The following SELENOO variants were observed in gnomAD, a reference collection of about 807,000 sequenced individuals.
SELENOO encodes protein adenylyltransferase SelO, mitochondrial.
In SELENOO, 74 loss-of-function variants were observed where a neutral mutation model predicts 58.7. That is an observed-to-expected ratio of 1.26 (90% confidence interval 1.04 to 1.53). The LOEUF (loss-of-function observed/expected upper bound fraction) is 1.53. Among genes scored for constraint, SELENOO ranks in the 40% most tolerant of loss-of-function variants. SELENOO has a pLI of 0.00. For missense variants in SELENOO, 1,149 were observed against 970.0 expected, an observed-to-expected ratio of 1.18 and a Z score of -2.45; for synonymous variants, 543 against 453.2, an observed-to-expected ratio of 1.20 and a Z score of -2.52.
intron 1 of SELENOO, among the ~76,000 whole-genome samples, chr22:50,203,293 C>T (rs1483601248): frequency 1.3e-5 from 2 of 152,218 alleles, no homozygotes; most frequent in East Asian, 3.8e-4. Flanking sequence ...GGAAGAATCA[C>T]TTGAGCCCAG....
intron 1 of SELENOO, 83 bp from the exon 2 acceptor site, chr22:50,206,234 C>T (rs901501140): frequency 2.4e-6 from 3 of 1,264,348 alleles, no homozygotes; most frequent in Non-Finnish European, 3.4e-6. Context: ...CACGCGTTCC[C>T]TCCTTTCCAT....
intron 3 of SELENOO, 111 bp from the exon 4 acceptor site, chr22:50,210,066 AGAGT>A (rs1298832953): frequency 5.6e-6 from 7 of 1,259,614 alleles, no homozygotes; most frequent in Admixed American, 2.2e-5. Context: ...CAGAAACTGC[AGAGT>A]GAGAGCCACT....
intron 2 of SELENOO, 145 bp downstream of exon 2, chr22:50,206,665 C>T: frequency 2.8e-6 from 2 of 726,204 alleles, no homozygotes; most frequent in Non-Finnish European, 4.5e-6. Flanking sequence ...CCCTGGCAGC[C>T]TCAGAAGCTG....
intron 1 of SELENOO, among the ~76,000 whole-genome samples, chr22:50,204,905 TATTC>T (rs2064323582): frequency 6.6e-6 from 1 of 150,436 alleles, no homozygotes; most frequent in South Asian, 2.1e-4. Context: ...AGTGGAATAT[TATTC>T]ATCCTTAAGA....
At position 50,217,025 on chromosome 22, in the gene SELENOO, C is replaced by G. The variant is rs755717149; in HGVS notation, c.1742C>G (p.Ala581Gly). ...EGAGDAAAWQAEHVRVMHANN... is the reference protein window; with the variant it reads ...EGAGDAAAWQGEHVRVMHANN... ...GCTGGGGACGCTGCCGCCTGGCAGG[C>G]TGAGCACGTGCGCGTGATGCACGCC... The change falls in exon 8 of 9, where the codon GCT becomes GGT. Residue 581 changes from alanine to glycine, a missense_variant. Transcript: ENST00000380903. 47 of 1,612,074 alleles carry G rather than the reference C, an allele frequency of 2.9e-5. No individual in the cohort carries two copies. Among genetic ancestry groups the G allele is most frequent in the Non-Finnish European group, 3.9e-5 (46 of 1,179,882 alleles).
intron 2 of SELENOO, chr22:50,208,323 G>A (rs557659550): frequency 8.3e-5 from 35 of 419,636 alleles, no homozygotes; most frequent in African/African-American, 6.2e-4. Flanking sequence ...CCAGCTACTC[G>A]GGAGGCTGAG....
chr22:50,217,285 C>G lies in SELENOO; in HGVS notation c.1926C>G (p.Ala642=). 6.2e-7 allele frequency: 1 copy of G among 1,612,572 alleles called. No homozygotes were observed. The highest frequency in any genetic ancestry group is 8.5e-7 in the Non-Finnish European group (1 of 1,179,788). The change falls in exon 9 of 9, where the codon GCC becomes GCG. Residue 642 remains alanine, a synonymous_variant. Transcript: ENST00000380903. ...CCACAGACGCCGAGGCCACGGAAGC[C>G]GACGGGGCGGACGGCAGGCAGCGCT... is the stretch of plus-strand genomic sequence containing the variant. ...GAATDAEATE[A]DGADGRQRSY... is the part of the protein sequence containing the mutation.
At chr22:50,212,893 T>C (rs1474699766) in intron 5 of SELENOO, among the ~76,000 whole-genome samples, 2 of 151,742 alleles carry the variant, frequency 1.3e-5, no homozygotes, top group Non-Finnish European at 2.9e-5. Flanking sequence ...ACGCAGCGTG[T>C]GCCTGTTTCT....
chr22:50,210,598 G>C, intron 4 of SELENOO, 33 bp from the exon 5 acceptor site: 2 of 1,612,412 alleles, frequency 1.2e-6, no homozygotes, highest in Non-Finnish European at 1.7e-6. Flanking sequence ...CTTCCTCTCA[G>C]GCAGGGCGTG....
rs767519759 is a variant in SELENOO at position 50,210,190 on chromosome 22, C to T, written c.949C>T (p.Arg317Cys). The T allele has an allele frequency of 1.8e-5, 29 of 1,612,978 alleles. No homozygotes were observed. The highest frequency in any genetic ancestry group is 6.7e-5 in the East Asian group (3 of 44,884). Residue 317 changes from arginine (R) to cysteine (C), a missense_variant, in exon 4 of 9, where the codon CGC (arginine) becomes TGC (cysteine). Physicochemically the swap from Arg to Cys is radical, Grantham distance 180 (BLOSUM62 -3). Transcript: ENST00000380903. ...NAAFFREVTR[R>C]TARMVAEWQC... ...CACTGTCCCACCCCAGGTGACGCGG[C>T]GCACGGCGCGGATGGTGGCCGAGTG...
At chr22:50,211,284 T>C (rs992909206) in intron 5 of SELENOO, among the ~76,000 whole-genome samples, 1 of 152,176 alleles carries the variant, frequency 6.6e-6, no homozygotes, top group Non-Finnish European at 1.5e-5. Context: ...TTGCGTACGG[T>C]GCACTGTGTG....
At chr22:50,206,805 G>C (rs926975549) in intron 2 of SELENOO, among the ~76,000 whole-genome samples, 5 of 152,172 alleles carry the variant, frequency 3.3e-5, no homozygotes, top group African/African-American at 1.2e-4. Flanking sequence ...AGCCAGAGAT[G>C]GCCCTGCGGG....
In SELENOO at chr22:50,208,643, G is replaced by C. The variant is rs752768195; in HGVS notation, c.866G>C (p.Ser289Thr). Residue 289 changes from serine (S) to threonine (T), a missense_variant, in exon 3 of 9, where the codon AGC becomes ACC. Coordinates refer to ENST00000380903, the MANE Select transcript of SELENOO (RefSeq NM_031454.2). ...IRVQLLDYVI[S>T]SFYPEIQAAH... ...GTGCAGCTGCTCGACTATGTCATCA[G>C]CTCCTTTTACCCCGAGATCCAGGCT... 5 of 1,613,758 alleles carry C rather than the reference G, an allele frequency of 3.1e-6. No individual in the cohort carries two copies. The highest frequency in any genetic ancestry group is 1.6e-4 in the Middle Eastern group (1 of 6,084).
chr22:50,204,717 C>T (rs148566693), intron 1 of SELENOO, among the ~76,000 whole-genome samples: 31 of 152,188 alleles, frequency 2.0e-4, no homozygotes, highest in African/African-American at 7.5e-4. Context: ...GATAGAGTTG[C>T]TGTGGAAAAC....
intron 7 of SELENOO, 45 bp from the exon 8 acceptor site, chr22:50,216,927 A>G: frequency 1.2e-6 from 2 of 1,602,958 alleles, no homozygotes; most frequent in East Asian, 2.2e-5. Context: ...CGTGCTGGAA[A>G]AAGTCCAGCC....
At chr22:50,211,285 G>A (rs568207603) in intron 5 of SELENOO, among the ~76,000 whole-genome samples, 2 of 152,288 alleles carry the variant, frequency 1.3e-5, no homozygotes, top group South Asian at 2.1e-4. Context: ...TGCGTACGGT[G>A]CACTGTGTGT....
rs2064350120 is a variant in SELENOO, at chr22:50,208,880, G to A, written c.939+164G>A. 2 of 662,060 alleles carry A rather than the reference G, an allele frequency of 3.0e-6. 1 individual carries two copies. Among genetic ancestry groups the A allele is most frequent in the South Asian group, 3.9e-5 (2 of 50,976 alleles). 41.0% of individuals were successfully genotyped at this position (662,060 alleles called of 1,614,324 possible). On this transcript the variant is annotated intron_variant, in intron 3 of 8. Transcript: ENST00000380903. ...CGCAAACCCCATCATGTGTGCTCGG[G>A]CCCTGGGACAAACCTGAAACTCCCC...
chr22:50,210,426 G>A, intron 4 of SELENOO, 115 bp downstream of exon 4: 1 of 1,420,736 alleles, frequency 7.0e-7, no homozygotes, highest in Non-Finnish European at 9.6e-7. Context: ...AGCCGAGGGG[G>A]CTGGGGGCTG....
Position 50,217,305 on chromosome 22 carries a change from A to G in SELENOO, c.1946A>G (p.Gln649Arg), listed in dbSNP as rs1286680590. ...ATEADGADGR[Q>R]RSYSSKPPLW... ...GAAGCCGACGGGGCGGACGGCAGGCAGCGCTCCTACAGCAGTAAGCCCCCG... is the reference window on the plus strand; with the variant it reads ...GAAGCCGACGGGGCGGACGGCAGGCGGCGCTCCTACAGCAGTAAGCCCCCG... Residue 649 changes from glutamine to arginine, a missense_variant, in exon 9 of 9, where the codon CAG becomes CGG. Gln to Arg is a conservative substitution (Grantham distance 43). Transcript: ENST00000380903. The G allele has an allele frequency of 1.2e-6, 2 of 1,612,684 alleles. No homozygotes were observed. The highest frequency in any genetic ancestry group is 2.7e-5 in the African/African-American group (2 of 74,914).
Sources: allele counts gnomAD v4.1 joint callset (sites outside exome capture counted in the v4.1 genomes callset), GRCh38; gene constraint gnomAD v4.1.1; transcripts MANE v1.5; gene names NCBI Gene and HGNC (gene_info 2026-07-23, HGNC 2026-07-21).